Variants in ANKRD10 observed in about 807,000 individuals in gnomAD.
The protein encoded by ANKRD10 is ankyrin repeat domain 10.
In ANKRD10, 14 loss-of-function variants were observed where a neutral mutation model predicts 27.0. The ratio of observed to expected loss-of-function variants is 0.52; its 90% CI spans 0.34 to 0.81. The LOEUF (loss-of-function observed/expected upper bound fraction) is 0.81. ANKRD10 is among the 40% of genes least tolerant of loss of function. ANKRD10 has a pLI of 0.01. For synonymous variants in ANKRD10, 250 were observed against 224.5 expected (o/e 1.11, Z -1.01); for missense variants, 493 against 544.0 (o/e 0.91, Z 0.93).
At chr13:110,888,137 G>T (rs2064981925) in intron 4 of ANKRD10, among the ~76,000 whole-genome samples, 1 of 151,878 alleles carries the variant, frequency 6.6e-6, no homozygotes, top group Admixed American at 6.6e-5. Context: ...CAGCGACAAA[G>T]GACAGAGAAG....
Position 110,879,539 on chromosome 13 carries a change from G to T in ANKRD10, c.*98C>A. 1 of 927,080 alleles carries T rather than the reference G, an allele frequency of 1.1e-6. No homozygotes were observed. Among genetic ancestry groups the T allele is most frequent in the South Asian group, 1.6e-5 (1 of 60,946 alleles). The allele number at this position is 927,080 out of a possible 1,614,324, so 57.4% of individuals were successfully genotyped here. ...CAGAAAGTTGAAGTATATAAAAAAC[G>T]TACAAGTTGTGACATTCGTTCAAGT... is the stretch of plus-strand genomic sequence containing the variant. On this transcript the variant is annotated 3_prime_UTR_variant, in exon 6 of 6. Coordinates refer to ENST00000267339, the MANE Select transcript of ANKRD10 (RefSeq NM_017664.4).
At chr13:110,882,823 T>C (rs2064844806) in intron 5 of ANKRD10, among the ~76,000 whole-genome samples, 3 of 152,194 alleles carry the variant, frequency 2.0e-5, no homozygotes, top group Admixed American at 2.0e-4. Flanking sequence ...GGAAACAATA[T>C]ACATACTCTT....
chr13:110,901,965 C>T (rs2065393946), intron 3 of ANKRD10, among the ~76,000 whole-genome samples: 1 of 150,356 alleles, frequency 6.7e-6, no homozygotes, highest in African/African-American at 2.5e-5. Flanking sequence ...ATCACTGGAG[C>T]CCAGGAGTTT....
intron 4 of ANKRD10, among the ~76,000 whole-genome samples, chr13:110,885,965 G>C (rs906746947): frequency 1.3e-5 from 2 of 152,224 alleles, no homozygotes; most frequent in Admixed American, 1.3e-4. Flanking sequence ...ACTAGGCCCA[G>C]TACCTAGAAT....
At chr13:110,902,609 G>A (rs2065416199) in intron 3 of ANKRD10, among the ~76,000 whole-genome samples, 1 of 152,150 alleles carries the variant, frequency 6.6e-6, no homozygotes, top group African/African-American at 2.4e-5. Flanking sequence ...CAAGCTATCT[G>A]ATGATCCCAG....
intron 3 of ANKRD10, among the ~76,000 whole-genome samples, chr13:110,900,952 G>T (rs2065365512): frequency 6.6e-6 from 1 of 151,988 alleles, no homozygotes; most frequent in African/African-American, 2.4e-5. Context: ...TTTTTAGCAT[G>T]AAGCCAATTT....
intron 3 of ANKRD10, among the ~76,000 whole-genome samples, chr13:110,903,124 T>C (rs191903482): frequency 8.6e-4 from 131 of 152,338 alleles, no homozygotes; most frequent in African/African-American, 1.2e-3. Context: ...CTTTTTGTAA[T>C]AGTATATCCT....
chr13:110,880,121 A>C lies in ANKRD10; in HGVS notation c.788-9T>G. 1 of 1,604,478 alleles carries C rather than the reference A, an allele frequency of 6.2e-7. No individual in the cohort carries two copies. The highest frequency in any genetic ancestry group is 8.5e-7 in the Non-Finnish European group (1 of 1,172,992). Reference sequence around the variant, plus strand: ...GCTACTGTTTTTCATATCTGCATTAAGAAATACACCTGTCACCAAAATTCA... The same window carrying C: ...GCTACTGTTTTTCATATCTGCATTACGAAATACACCTGTCACCAAAATTCA... On this transcript the variant is annotated splice_polypyrimidine_tract_variant and intron_variant, in intron 5 of 5. Coordinates refer to ENST00000267339, the MANE Select transcript of ANKRD10 (RefSeq NM_017664.4).
chr13:110,884,533 A>G (rs1312765399), intron 4 of ANKRD10, among the ~76,000 whole-genome samples: 2 of 152,220 alleles, frequency 1.3e-5, no homozygotes, highest in African/African-American at 4.8e-5. Context: ...GTTTTTACCA[A>G]AAAGGATTCT....
intron 3 of ANKRD10, among the ~76,000 whole-genome samples, chr13:110,904,505 AT>A (rs1213080313): frequency 6.6e-6 from 1 of 152,254 alleles, no homozygotes; most frequent in African/African-American, 2.4e-5. Context: ...TTAGAGTATT[AT>A]TTAGAAAGTC....
chr13:110,882,695 T>C lies in ANKRD10; in HGVS notation c.787+1003A>G, dbSNP rs1181671030. ...AACCTATTATTTTAAATATACTAAC[T>C]GATCTGAATTTCTCTACTGGGAAGA... On this transcript the variant is annotated intron_variant, in intron 5 of 5. Coordinates refer to ENST00000267339, the MANE Select transcript of ANKRD10 (RefSeq NM_017664.4). 2.0e-5 allele frequency among the ~76,000 whole-genome samples: 3 copies of C among 152,236 alleles called. No individual in the cohort carries two copies. The East Asian group carries it at 5.8e-4, about 29-fold the overall frequency.
rs1033671805 is a variant in ANKRD10, at chr13:110,915,024, G to T, written c.-90C>A. 3.9e-5 allele frequency: 57 copies of T among 1,448,200 alleles called. No individual in the cohort carries two copies. In the East Asian group the frequency reaches 1.3e-3, roughly 32 times the overall value. The allele number at this position is 1,448,200 out of a possible 1,614,324, so 89.7% of individuals were successfully genotyped here. On this transcript the variant is annotated 5_prime_UTR_variant, in exon 1 of 6. Coordinates refer to ENST00000267339, the MANE Select transcript of ANKRD10 (RefSeq NM_017664.4). ...CCGCCGCCGCAGCACAAAGGAACGA[G>T]ACTAGCGCCGCGGTCGCGTCCCACA... is the stretch of plus-strand genomic sequence containing the variant.
chr13:110,879,969 T>C lies in ANKRD10; in HGVS notation c.931A>G (p.Ser311Gly). 2 of 1,614,232 alleles carry C rather than the reference T, an allele frequency of 1.2e-6. No homozygotes were observed. Among genetic ancestry groups the C allele is most frequent in the Non-Finnish European group, 1.7e-6 (2 of 1,180,038 alleles). ...AACGGCTGTCCTGGGGCTAATCCAC[T>C]GCTAATTCCGTTAGTTCCTGTCAAG... ...QCLTGTNGIS[S>G]GLAPGQPFPS... The change falls in exon 6 of 6, where the codon AGT (serine) becomes GGT (glycine). Residue 311 changes from serine (S) to glycine (G), a missense_variant. Physicochemically the swap from Ser to Gly is moderately conservative, Grantham distance 56. Transcript: ENST00000267339.
At chr13:110,897,709 T>C (rs750556194) in intron 3 of ANKRD10, among the ~76,000 whole-genome samples, 9 of 152,218 alleles carry the variant, frequency 5.9e-5, no homozygotes, top group Non-Finnish European at 1.3e-4. Context: ...TTTGGATATA[T>C]ACCCAGTAGT....
intron 4 of ANKRD10, among the ~76,000 whole-genome samples, chr13:110,890,209 G>A (rs1463969363): frequency 1.3e-5 from 2 of 152,038 alleles, no homozygotes; most frequent in African/African-American, 4.8e-5. Flanking sequence ...AAACTGGTCA[G>A]TTAATATGGA....
At chr13:110,883,852 GAC>G (rs1172989789) in intron 4 of ANKRD10, 59 bp from the exon 5 acceptor site, 126 of 1,529,704 alleles carry the variant, frequency 8.2e-5, no homozygotes, top group Admixed American at 7.8e-4. Flanking sequence ...TAAGTGTTCA[GAC>G]ACACAGTTTA....
At chr13:110,914,364 G>A (rs1434564697) in intron 1 of ANKRD10, 3 of 173,356 alleles carry the variant, frequency 1.7e-5, no homozygotes, top group Non-Finnish European at 2.4e-5. Flanking sequence ...GGCCTGGAGG[G>A]CCCCGCACCA....
chr13:110,893,094 C>T lies in ANKRD10; in HGVS notation c.625G>A (p.Gly209Arg). The T allele has an allele frequency of 6.2e-7, 1 of 1,614,212 alleles. No homozygotes were observed. The highest frequency in any genetic ancestry group is 1.1e-5 in the South Asian group (1 of 91,086). ...QNVFPNHISV[G>R]TNRKRCLEDS... is the part of the protein sequence containing the mutation. ...TCCAAGCATCTCTTTCGATTTGTTCCCACACTAATATGATTAGGAAATACA... is the reference window on the plus strand; with the variant it reads ...TCCAAGCATCTCTTTCGATTTGTTCTCACACTAATATGATTAGGAAATACA... Residue 209 changes from glycine to arginine, a missense_variant, in exon 4 of 6, where the codon GGA (glycine) becomes AGA (arginine). Gly to Arg is a moderately radical substitution (Grantham distance 125). Coordinates refer to ENST00000267339, the MANE Select transcript of ANKRD10 (RefSeq NM_017664.4).
At chr13:110,894,991 A>C (rs1210358416) in intron 3 of ANKRD10, 1 of 152,194 alleles carries the variant, frequency 6.6e-6, no homozygotes, top group African/African-American at 2.4e-5. Flanking sequence ...TTCACTTTCA[A>C]AAGATATCAG....
Sources: allele counts gnomAD v4.1 joint callset (sites outside exome capture counted in the v4.1 genomes callset), GRCh38; gene constraint gnomAD v4.1.1; transcripts MANE v1.5; gene names NCBI Gene and HGNC (gene_info 2026-07-23, HGNC 2026-07-21).